DAB1: variants seen among roughly 807,000 people sequenced by gnomAD.
DAB1 encodes disabled homolog 1.
DAB1 carries 15 observed loss-of-function variants against 64.6 expected under a neutral mutation model. The observed-to-expected ratio is 0.23, with a 90% CI of 0.16 to 0.36. DAB1 has a LOEUF of 0.36. DAB1 is among the 10% of genes least tolerant of loss of function. DAB1 has a pLI of 1.00. For synonymous variants in DAB1, 235 were observed against 251.9 expected, an observed-to-expected ratio of 0.93 and a Z score of 0.64; for missense variants, 596 against 706.7, an observed-to-expected ratio of 0.84 and a Z score of 1.78.
At chr1:57,646,664 G>T (rs1319216008) in intron 7 of DAB1, among the ~76,000 whole-genome samples, 1 of 152,116 alleles carries the variant, frequency 6.6e-6, no homozygotes, top group Non-Finnish European at 1.5e-5. Context: ...TGGGAGGATC[G>T]CTTGAGCCCA....
intron 1 of DAB1, among the ~76,000 whole-genome samples, chr1:57,342,882 GGTGA>G (rs1202001199): frequency 6.6e-6 from 1 of 152,162 alleles, no homozygotes; most frequent in Admixed American, 6.5e-5. Flanking sequence ...AGACCTTTGC[GGTGA>G]GTATTACAGC....
intron 7 of DAB1, among the ~76,000 whole-genome samples, chr1:57,624,433 C>T (rs1645898559): frequency 6.6e-6 from 1 of 152,172 alleles, no homozygotes; most frequent in South Asian, 2.1e-4. Flanking sequence ...GTTGGGCATA[C>T]TCAATGAGAC....
intron 3 of DAB1, among the ~76,000 whole-genome samples, chr1:58,458,894 T>C (rs188615259): frequency 1.3e-5 from 2 of 152,334 alleles, no homozygotes; most frequent in East Asian, 3.9e-4. Flanking sequence ...CTCAGGTTTT[T>C]TTAACCTCTC....
intron 5 of DAB1, among the ~76,000 whole-genome samples, chr1:57,990,485 A>G (rs1399996264): frequency 1.3e-5 from 2 of 152,192 alleles, no homozygotes; most frequent in Non-Finnish European, 2.9e-5. Context: ...TTTTTATCCT[A>G]ACAACAAGTT....
At chr1:58,312,465 AG>A (rs1354279759) in intron 4 of DAB1, among the ~76,000 whole-genome samples, 1 of 152,210 alleles carries the variant, frequency 6.6e-6, no homozygotes, top group Non-Finnish European at 1.5e-5. Context: ...AGAAAAGCTT[AG>A]GAAGAACTGA....
At chr1:57,555,025 ATTTTTTTTTTT>A (rs34370854) in intron 7 of DAB1, among the ~76,000 whole-genome samples, 29 of 68,496 alleles carry the variant, frequency 4.2e-4, no homozygotes, top group African/African-American at 1.1e-3. Flanking sequence ...CGGTATCTCT[ATTTTTTTTTTT>A]TTTTTTTTTT....
intron 4 of DAB1, among the ~76,000 whole-genome samples, chr1:58,243,717 G>A (rs1240286884): frequency 2.0e-5 from 3 of 152,138 alleles, no homozygotes; most frequent in Non-Finnish European, 4.4e-5. Context: ...CTCAAAGTGA[G>A]AGTTCAAATC....
chr1:58,365,796 G>A (rs1157328530), intron 3 of DAB1, among the ~76,000 whole-genome samples: 2 of 152,098 alleles, frequency 1.3e-5, no homozygotes, highest in Non-Finnish European at 2.9e-5. Context: ...CTCTATACTT[G>A]CACAAAACTG....
intron 4 of DAB1, among the ~76,000 whole-genome samples, chr1:57,109,072 G>A (rs1655420718): frequency 1.3e-5 from 2 of 152,130 alleles, no homozygotes; most frequent in Admixed American, 1.3e-4. Flanking sequence ...TTTGGACTTG[G>A]TGTCTGTATT....
chr1:57,680,189 G>A (rs528701289), intron 6 of DAB1, among the ~76,000 whole-genome samples: 30 of 152,316 alleles, frequency 2.0e-4, no homozygotes, highest in South Asian at 1.0e-3. Context: ...AATTAGGATC[G>A]AAGATAGAAA....
At chr1:58,094,345 AT>A (rs1650860619) in intron 5 of DAB1, among the ~76,000 whole-genome samples, 1 of 152,168 alleles carries the variant, frequency 6.6e-6, no homozygotes, top group Non-Finnish European at 1.5e-5. Context: ...TGTTTTCCTG[AT>A]TGGACCCTGA....
chr1:58,362,072 C>T (rs1009888376), intron 3 of DAB1, among the ~76,000 whole-genome samples: 3 of 152,016 alleles, frequency 2.0e-5, no homozygotes, highest in African/African-American at 4.8e-5. Context: ...ACCATGTTGG[C>T]CAGGCTGGTC....
chr1:58,544,573 C>T (rs1646671537), intron 1 of DAB1, among the ~76,000 whole-genome samples: 1 of 152,142 alleles, frequency 6.6e-6, no homozygotes, highest in South Asian at 2.1e-4. Context: ...ACTCAGGCAA[C>T]TATTTCTGTA....
intron 1 of DAB1, among the ~76,000 whole-genome samples, chr1:57,291,542 C>T (rs1221150958): frequency 6.6e-6 from 1 of 152,160 alleles, no homozygotes; most frequent in African/African-American, 2.4e-5. Flanking sequence ...CATCCATCAG[C>T]CAAGCTTGAT....
intron 1 of DAB1, among the ~76,000 whole-genome samples, chr1:57,345,745 A>G (rs1263379707): frequency 6.6e-6 from 1 of 152,212 alleles, no homozygotes; most frequent in African/African-American, 2.4e-5. Context: ...ATGTACCACC[A>G]TTTATGAGCT....
At chr1:57,253,897 T>A (rs1305736377) in intron 2 of DAB1, among the ~76,000 whole-genome samples, 1 of 152,208 alleles carries the variant, frequency 6.6e-6, no homozygotes, top group Admixed American at 6.5e-5. Flanking sequence ...TTTATCCCAA[T>A]AGCTGCCTCA....
At chr1:57,053,029 T>C (rs1649344679) in intron 9 of DAB1, among the ~76,000 whole-genome samples, 2 of 152,220 alleles carry the variant, frequency 1.3e-5, no homozygotes, top group Admixed American at 1.3e-4. Context: ...CACCTTCCCA[T>C]CTTCTTTGCA....
intron 5 of DAB1, among the ~76,000 whole-genome samples, chr1:58,058,222 A>G (rs1427103056): frequency 6.6e-6 from 1 of 152,116 alleles, no homozygotes; most frequent in African/African-American, 2.4e-5. Context: ...ATTCTAAGTT[A>G]TTTATATTAA....
intron 3 of DAB1, among the ~76,000 whole-genome samples, chr1:58,469,294 C>T (rs1354123877): frequency 6.6e-6 from 1 of 152,066 alleles, no homozygotes; most frequent in Non-Finnish European, 1.5e-5. Context: ...GTAGGTCTCA[C>T]TTTTGTTATC....
Sources: gnomAD v4.1 joint callset for allele counts (sites outside exome capture counted in the v4.1 genomes callset) on GRCh38, gnomAD v4.1.1 for gene constraint, MANE v1.5 for transcripts, NCBI Gene and HGNC (gene_info 2026-07-23, HGNC 2026-07-21) for gene names.